The following CRTC3 variants were observed in gnomAD, a reference collection of about 807,000 sequenced individuals.
CRTC3 encodes the protein CREB-regulated transcription coactivator 3.
A neutral mutation model predicts 74.5 loss-of-function variants in CRTC3; 26 were observed. The ratio of observed to expected loss-of-function variants is 0.35; its 90% confidence interval spans 0.26 to 0.48. The LOEUF is 0.48. Ranked by LOEUF, CRTC3 falls within the 20% of genes least tolerant of loss-of-function variation. CRTC3 has a pLI of 0.99. For missense variants in CRTC3, 760 were observed against 787.3 expected (o/e 0.97, Z 0.41); for synonymous variants, 377 against 325.8 (o/e 1.16, Z -1.69).
chr15:90,639,325 T>G (rs1389055220), intron 13 of CRTC3, among the ~76,000 whole-genome samples: 1 of 152,176 alleles, frequency 6.6e-6, no homozygotes, highest in Non-Finnish European at 1.5e-5. Flanking sequence ...CAGTTTAGTT[T>G]TTTCCTAACA....
intron 5 of CRTC3, among the ~76,000 whole-genome samples, chr15:90,605,420 G>T (rs1968190799): frequency 6.6e-6 from 1 of 152,084 alleles, no homozygotes. Flanking sequence ...GTATAGTATT[G>T]TACCTTGAAA....
intron 2 of CRTC3, among the ~76,000 whole-genome samples, chr15:90,589,844 G>A (rs987420114): frequency 4.6e-5 from 7 of 151,302 alleles, no homozygotes; most frequent in Admixed American, 1.3e-4. Flanking sequence ...AAAATTGGCC[G>A]GGTGTCGTGG....
intron 2 of CRTC3, among the ~76,000 whole-genome samples, chr15:90,582,507 A>G (rs1048372593): frequency 2.6e-5 from 4 of 152,242 alleles, no homozygotes; most frequent in African/African-American, 9.6e-5. Context: ...AGTTTTTAAT[A>G]ACGATCAACA....
chr15:90,564,910 CTT>C (rs1182939155), intron 2 of CRTC3, among the ~76,000 whole-genome samples: 84 of 9,028 alleles, frequency 9.3e-3, no homozygotes, highest in African/African-American at 0.019. Context: ...ACCAACCTTC[CTT>C]CCTTCCTTCC....
chr15:90,630,760 T>A (rs199674836), intron 11 of CRTC3, among the ~76,000 whole-genome samples: 1 of 10,018 alleles, frequency 1.0e-4, no homozygotes, highest in African/African-American at 2.2e-4. Flanking sequence ...AGCATCATTT[T>A]TTTTTTTTTT....
At chr15:90,542,610 A>G (rs1337231543) in intron 2 of CRTC3, among the ~76,000 whole-genome samples, 3 of 152,194 alleles carry the variant, frequency 2.0e-5, no homozygotes, top group Non-Finnish European at 2.9e-5. Context: ...CAAGATAAGA[A>G]AATTAACAGT....
At position 90,558,100 on chromosome 15, in the gene CRTC3, G is replaced by T. The variant is rs77815050; in HGVS notation, c.231+17963G>T. Among the ~76,000 whole-genome samples the T allele has an allele frequency of 4.8e-3, 729 of 152,222 alleles. 7 individuals carry two copies. The highest frequency in any genetic ancestry group is 0.015 in the African/African-American group (623 of 41,520). ...TGTAAATGACAACTTAGTTCTTCCA[G>T]TTACTTGTGCCAAAACCTTGGAGTC... On this transcript the variant is annotated intron_variant, in intron 2 of 14. Coordinates refer to ENST00000268184, the MANE Select transcript of CRTC3 (RefSeq NM_022769.5).
chr15:90,621,901 A>G (rs569015350), intron 9 of CRTC3, among the ~76,000 whole-genome samples: 2 of 152,350 alleles, frequency 1.3e-5, no homozygotes, highest in South Asian at 4.1e-4. Flanking sequence ...AAAACAGATC[A>G]AGTTCCTGCT....
chr15:90,584,350 G>A (rs1967610984), intron 2 of CRTC3, among the ~76,000 whole-genome samples: 1 of 150,464 alleles, frequency 6.6e-6, no homozygotes, highest in Admixed American at 6.7e-5. Flanking sequence ...CAATTCTCCT[G>A]CCTCAGCCTC....
At chr15:90,542,756 G>C (rs572366193) in intron 2 of CRTC3, among the ~76,000 whole-genome samples, 48 of 152,260 alleles carry the variant, frequency 3.2e-4, no homozygotes, top group Non-Finnish European at 5.0e-4. Context: ...CAGCTTTTCA[G>C]CCTTTTATTT....
intron 11 of CRTC3, chr15:90,634,767 T>C: frequency 9.0e-7 from 1 of 1,110,868 alleles, no homozygotes; most frequent in Non-Finnish European, 1.4e-6. Context: ...ACTCTCTGAC[T>C]GAGTATTGGT....
intron 9 of CRTC3, among the ~76,000 whole-genome samples, chr15:90,621,646 G>A (rs1012415840): frequency 3.9e-5 from 6 of 152,048 alleles, no homozygotes; most frequent in African/African-American, 1.4e-4. Flanking sequence ...AAGATAGATA[G>A]GGCCTTGCTA....
chr15:90,567,520 C>T (rs1480661134), intron 2 of CRTC3, among the ~76,000 whole-genome samples: 1 of 151,888 alleles, frequency 6.6e-6, no homozygotes, highest in East Asian at 1.9e-4. Context: ...AACCCTGTCT[C>T]CACTAAAAAT....
At chr15:90,573,262 G>A (rs1596092828) in intron 2 of CRTC3, among the ~76,000 whole-genome samples, 1 of 152,180 alleles carries the variant, frequency 6.6e-6, no homozygotes, top group East Asian at 1.9e-4. Flanking sequence ...AACACCAGGA[G>A]GTGGACATCA....
chr15:90,612,622 A>G (rs1359512703), intron 6 of CRTC3, among the ~76,000 whole-genome samples: 1 of 152,016 alleles, frequency 6.6e-6, no homozygotes, highest in Non-Finnish European at 1.5e-5. Context: ...CCAGATTGCT[A>G]TATAAAACCT....
At chr15:90,637,393 G>T (rs536344135) in intron 11 of CRTC3, among the ~76,000 whole-genome samples, 1 of 152,102 alleles carries the variant, frequency 6.6e-6, no homozygotes, top group African/African-American at 2.4e-5. Flanking sequence ...ATCACACACC[G>T]GGGCCTGTTG....
intron 7 of CRTC3, among the ~76,000 whole-genome samples, chr15:90,617,406 GA>G (rs1471615073): frequency 1.3e-5 from 2 of 152,214 alleles, no homozygotes; most frequent in Non-Finnish European, 2.9e-5. Flanking sequence ...TTCCCTAGTA[GA>G]CAGTCCATAA....
chr15:90,642,009 A>C lies in CRTC3; in HGVS notation c.1729A>C (p.Thr577Pro). 3.7e-6 allele frequency: 6 copies of C among 1,613,666 alleles called. No individual in the cohort carries two copies. Among genetic ancestry groups the C allele is most frequent in the South Asian group, 1.1e-5 (1 of 91,072 alleles). ...GLPEVSLNVD[T>P]PFPLEEELQI... ...GCCTGAGGTCAGCCTGAACGTGGAC[A>C]CTCCATTTCCACTGGAAGAGGAGCT... Residue 577 changes from threonine to proline, a missense_variant, in exon 15 of 15, where the codon ACT (threonine) becomes CCT (proline). Thr to Pro is a conservative substitution (Grantham distance 38, BLOSUM62 -1). Coordinates refer to ENST00000268184, the MANE Select transcript of CRTC3 (RefSeq NM_022769.5).
intron 2 of CRTC3, among the ~76,000 whole-genome samples, chr15:90,555,900 CT>C (rs1192259433): frequency 1.3e-5 from 2 of 151,976 alleles, no homozygotes; most frequent in Admixed American, 6.5e-5. Flanking sequence ...TTCCTTAATT[CT>C]TTGTTTTTCA....
Sources: allele counts gnomAD v4.1 joint callset (sites outside exome capture counted in the v4.1 genomes callset), GRCh38; gene constraint gnomAD v4.1.1; transcripts MANE v1.5; gene names NCBI Gene and HGNC (gene_info 2026-07-23, HGNC 2026-07-21).